The following UBASH3B variants were observed in gnomAD, a reference collection of about 807,000 sequenced individuals.
UBASH3B encodes the protein ubiquitin associated and SH3 domain containing B.
Under a neutral mutation model 83.4 loss-of-function variants are expected in UBASH3B, and 37 were observed. The observed-to-expected ratio is 0.44, with a 90% CI of 0.34 to 0.58. The LOEUF is 0.58. Ranked by LOEUF, UBASH3B falls within the 20% of genes least tolerant of loss-of-function variation. The probability of loss-of-function intolerance (pLI) is 0.01; values close to 1 mark genes in which losing one functional copy is unlikely to be tolerated. For missense variants in UBASH3B, 657 were observed against 827.2 expected (o/e 0.79, Z 2.52); for synonymous variants, 304 against 318.3 (o/e 0.96, Z 0.48).
intron 1 of UBASH3B, among the ~76,000 whole-genome samples, chr11:122,692,037 A>G (rs975401848): frequency 6.6e-6 from 1 of 152,176 alleles, no homozygotes; most frequent in Non-Finnish European, 1.5e-5. Context: ...GCCTCGTTCC[A>G]TGTGCTGGCT....
At chr11:122,739,869 G>A (rs184553198) in intron 1 of UBASH3B, among the ~76,000 whole-genome samples, 2 of 152,234 alleles carry the variant, frequency 1.3e-5, no homozygotes, top group East Asian at 3.9e-4. Context: ...CAGACAGATG[G>A]CACAGCCCTG....
At chr11:122,694,679 G>A (rs1863939001) in intron 1 of UBASH3B, among the ~76,000 whole-genome samples, 1 of 152,158 alleles carries the variant, frequency 6.6e-6, no homozygotes, top group Non-Finnish European at 1.5e-5. Flanking sequence ...TGAAGTCTTG[G>A]AAATGCTGTT....
chr11:122,774,297 AT>A (rs1454354277), intron 1 of UBASH3B: 35 of 985,284 alleles, frequency 3.6e-5, no homozygotes, highest in Non-Finnish European at 4.1e-5. Flanking sequence ...TGCTGTTCTC[AT>A]TAGCTGTGCA....
intron 1 of UBASH3B, among the ~76,000 whole-genome samples, chr11:122,737,896 C>T (rs983420318): frequency 2.6e-5 from 4 of 151,992 alleles, no homozygotes; most frequent in South Asian, 2.1e-4. Context: ...TGGGATTACC[C>T]GGAGAGAATG....
chr11:122,691,413 A>G (rs576228429), intron 1 of UBASH3B, among the ~76,000 whole-genome samples: 1 of 152,322 alleles, frequency 6.6e-6, no homozygotes, highest in South Asian at 2.1e-4. Flanking sequence ...TGCAAACTAG[A>G]GGAAACTGGC....
chr11:122,752,564 G>A (rs1490050351), intron 1 of UBASH3B, among the ~76,000 whole-genome samples: 1 of 152,210 alleles, frequency 6.6e-6, no homozygotes, highest in Non-Finnish European at 1.5e-5. Context: ...AGGGCACGAT[G>A]CAGCAGCAAA....
At chr11:122,791,403 T>C (rs955352139) in intron 6 of UBASH3B, among the ~76,000 whole-genome samples, 3 of 152,226 alleles carry the variant, frequency 2.0e-5, no homozygotes, top group Non-Finnish European at 4.4e-5. Flanking sequence ...AAGACTGCAA[T>C]ACAGAGCTTA....
At chr11:122,737,466 G>A (rs1860952835) in intron 1 of UBASH3B, among the ~76,000 whole-genome samples, 1 of 152,192 alleles carries the variant, frequency 6.6e-6, no homozygotes, top group Admixed American at 6.5e-5. Flanking sequence ...TGGATCTTAG[G>A]TGGATCTTAG....
At chr11:122,789,728 G>A (rs1484849697) in intron 6 of UBASH3B, among the ~76,000 whole-genome samples, 1 of 152,196 alleles carries the variant, frequency 6.6e-6, no homozygotes, top group African/African-American at 2.4e-5. Flanking sequence ...GGGGTTTCAA[G>A]AGGCAGGAGC....
At chr11:122,676,907 G>C (rs779495620) in intron 1 of UBASH3B, among the ~76,000 whole-genome samples, 6 of 152,060 alleles carry the variant, frequency 3.9e-5, no homozygotes, top group Non-Finnish European at 4.4e-5. Context: ...TATCACTCAA[G>C]CCCTTGCATT....
Position 122,806,493 on chromosome 11 carries a change from T to C in UBASH3B, c.1679T>C (p.Ile560Thr). The change falls in exon 12 of 14, where the codon ATA becomes ACA. Residue 560 changes from isoleucine to threonine, a missense_variant. This residue lies in a region of UBASH3B where 573 missense variants were observed against 739.0 expected (regional missense o/e 0.78). Coordinates refer to ENST00000284273, the MANE Select transcript of UBASH3B (RefSeq NM_032873.5). This position sits in a 1 kb window ranked among gnomAD's most constrained non-coding sequence, Gnocchi z 4.0. ...ISRSFQVTKEIISECKSKGNN... is the reference protein window; with the variant it reads ...ISRSFQVTKETISECKSKGNN... Reference sequence around the variant, plus strand: ...AGAAGTTTCCAAGTAACAAAAGAAATAATAAGTGAATGTAAAAGTAAAGGT... The same window carrying C: ...AGAAGTTTCCAAGTAACAAAAGAAACAATAAGTGAATGTAAAAGTAAAGGT... 3 of 1,604,850 alleles carry C rather than the reference T, an allele frequency of 1.9e-6. No individual in the cohort carries two copies. Among genetic ancestry groups the C allele is most frequent in the Non-Finnish European group, 2.5e-6 (3 of 1,176,578 alleles).
At chr11:122,763,539 T>A (rs1860481838) in intron 1 of UBASH3B, among the ~76,000 whole-genome samples, 1 of 151,928 alleles carries the variant, frequency 6.6e-6, no homozygotes, top group African/African-American at 2.4e-5. Context: ...GCTCAGGAAA[T>A]TTTTTTTCCC....
chr11:122,778,896 C>T (rs1015016595), intron 3 of UBASH3B, among the ~76,000 whole-genome samples: 4 of 152,170 alleles, frequency 2.6e-5, no homozygotes, highest in Non-Finnish European at 4.4e-5. Context: ...TGAGCCACTG[C>T]GCCCAGCCTG....
intron 1 of UBASH3B, among the ~76,000 whole-genome samples, chr11:122,670,186 T>C (rs1863575544): frequency 6.6e-6 from 1 of 151,958 alleles, no homozygotes; most frequent in Admixed American, 6.6e-5. Context: ...TGAATGTGTG[T>C]GTGTGTGTGT....
chr11:122,677,205 AT>A (rs1863679906), intron 1 of UBASH3B, among the ~76,000 whole-genome samples: 1 of 152,226 alleles, frequency 6.6e-6, no homozygotes, highest in Non-Finnish European at 1.5e-5. Flanking sequence ...CCCAGAGATG[AT>A]TTAAAGTACA....
At position 122,745,098 on chromosome 11, in the gene UBASH3B, C is replaced by T. The variant is rs545155458; in HGVS notation, c.162-31121C>T. Among the ~76,000 whole-genome samples the T allele has an allele frequency of 1.1e-4, 17 of 152,294 alleles. No individual in the cohort carries two copies. In the South Asian group the frequency reaches 3.1e-3, roughly 28 times the overall value. On this transcript the variant is annotated intron_variant, in intron 1 of 13. Transcript: ENST00000284273. ...AGGGTAACACTGGCATCTGCAAGCACGTCCTGGAAGCTGCCTGAGGCCTTC... is the reference window on the plus strand; with the variant it reads ...AGGGTAACACTGGCATCTGCAAGCATGTCCTGGAAGCTGCCTGAGGCCTTC...
chr11:122,748,173 TA>T (rs1431855451), intron 1 of UBASH3B, among the ~76,000 whole-genome samples: 1 of 152,220 alleles, frequency 6.6e-6, no homozygotes, highest in African/African-American at 2.4e-5. Flanking sequence ...CATAGTGGTT[TA>T]AAACTGACAA....
chr11:122,700,654 A>T (rs1317387217), intron 1 of UBASH3B, among the ~76,000 whole-genome samples: 2 of 151,704 alleles, frequency 1.3e-5, no homozygotes, highest in Non-Finnish European at 2.9e-5. Flanking sequence ...TCACCACCAC[A>T]CCCAGCTAAA....
chr11:122,687,093 T>C (rs995400334), intron 1 of UBASH3B, among the ~76,000 whole-genome samples: 1 of 152,114 alleles, frequency 6.6e-6, no homozygotes, highest in African/African-American at 2.4e-5. Flanking sequence ...GGTCTCGAAC[T>C]CCCGACCTCA....
Sources: allele counts gnomAD v4.1 joint callset (sites outside exome capture counted in the v4.1 genomes callset), GRCh38; gene constraint gnomAD v4.1.1; regional missense constraint gnomAD v4.1.1; non-coding constraint Gnocchi (gnomAD v3.1); transcripts MANE v1.5; gene names NCBI Gene and HGNC (gene_info 2026-07-23, HGNC 2026-07-21).